Variants in NRXN1 observed in about 807,000 individuals in gnomAD.
NRXN1 encodes neurexin-1.
A neutral mutation model predicts 150.9 loss-of-function variants in NRXN1; 39 were observed. The ratio of observed to expected loss-of-function variants is 0.26; its 90% confidence interval spans 0.20 to 0.34. The LOEUF is 0.34. NRXN1 is among the 10% of genes least tolerant of loss of function. The pLI, the probability that NRXN1 is intolerant of heterozygous loss-of-function variation, is 1.00. For synonymous variants in NRXN1, 924 were observed against 757.0 expected, an observed-to-expected ratio of 1.22 and a Z score of -3.62; for missense variants, 1,815 against 1,949.9, an observed-to-expected ratio of 0.93 and a Z score of 1.30.
chr2:50,455,582 T>C (rs1338214573), intron 17 of NRXN1, among the ~76,000 whole-genome samples: 2 of 152,220 alleles, frequency 1.3e-5, no homozygotes, highest in African/African-American at 4.8e-5. Context: ...ATTACTTCTG[T>C]AATGTCTCCT....
chr2:50,388,413 C>T (rs76920645), intron 17 of NRXN1, among the ~76,000 whole-genome samples: 2 of 152,062 alleles, frequency 1.3e-5, no homozygotes, highest in Admixed American at 6.6e-5. Flanking sequence ...TGCCTTAGCT[C>T]GGGCAACACT....
rs1433930555 is a variant in NRXN1, at chr2:50,729,470, A to T, written c.833-105855T>A. On this transcript the variant is annotated intron_variant, in intron 5 of 22. Coordinates refer to ENST00000401669, the MANE Select transcript of NRXN1 (RefSeq NM_001330078.2). Reference sequence around the variant, plus strand: ...TGTAGAGCTAGGATGTGAACCCAGGAAGCCTAACTTCAGACCTGGGGTCTT... The same window carrying T: ...TGTAGAGCTAGGATGTGAACCCAGGTAGCCTAACTTCAGACCTGGGGTCTT... 2.6e-5 allele frequency among the ~76,000 whole-genome samples: 4 copies of T among 152,352 alleles called. No individual in the cohort carries two copies. The East Asian group carries it at 5.8e-4, about 22-fold the overall frequency.
At chr2:50,210,873 A>T (rs188439871) in intron 18 of NRXN1, among the ~76,000 whole-genome samples, 1 of 151,620 alleles carries the variant, frequency 6.6e-6, no homozygotes, top group Admixed American at 6.6e-5. Context: ...CTTTTAAAAA[A>T]TAAAATTACT....
chr2:50,255,020 C>T (rs903080885), intron 17 of NRXN1, among the ~76,000 whole-genome samples: 4 of 151,956 alleles, frequency 2.6e-5, no homozygotes, highest in Admixed American at 1.3e-4. Context: ...GTTACCTAGG[C>T]TAGTCTTGAA....
intron 5 of NRXN1, among the ~76,000 whole-genome samples, chr2:50,670,473 TACAG>T (rs1307600307): frequency 6.6e-6 from 1 of 151,992 alleles, no homozygotes; most frequent in African/African-American, 2.4e-5. Flanking sequence ...GCAGTGTTAG[TACAG>T]ACAGTTACCA....
intron 8 of NRXN1, among the ~76,000 whole-genome samples, chr2:50,567,069 T>G (rs1669988525): frequency 6.6e-6 from 1 of 152,216 alleles, no homozygotes; most frequent in Non-Finnish European, 1.5e-5. Flanking sequence ...ATAATTGTTT[T>G]TCTCCTTTCT....
intron 5 of NRXN1, among the ~76,000 whole-genome samples, chr2:50,713,313 CAA>C (rs59339405): frequency 0.15 from 21,720 of 140,374 alleles, 1,586 homozygotes; most frequent in African/African-American, 0.18. Context: ...GACTCTGTCT[CAA>C]AAAAAAAAAA....
chr2:50,297,558 G>T (rs1177439693), intron 17 of NRXN1, among the ~76,000 whole-genome samples: 1 of 152,136 alleles, frequency 6.6e-6, no homozygotes, highest in Non-Finnish European at 1.5e-5. Flanking sequence ...TCACCCTAAA[G>T]TTAATTCAGC....
chr2:50,748,703 C>T (rs746805994), intron 5 of NRXN1, among the ~76,000 whole-genome samples: 18 of 151,984 alleles, frequency 1.2e-4, no homozygotes, highest in Non-Finnish European at 2.2e-4. Flanking sequence ...CACTAATGTG[C>T]CTAATTAGGC....
At chr2:50,212,319 G>A (rs2063087508) in intron 18 of NRXN1, among the ~76,000 whole-genome samples, 1 of 148,468 alleles carries the variant, frequency 6.7e-6, no homozygotes, top group East Asian at 2.0e-4. Context: ...AAAAAAATGG[G>A]TTTGCCTAGA....
intron 17 of NRXN1, among the ~76,000 whole-genome samples, chr2:50,382,384 A>G (rs994489494): frequency 6.6e-6 from 1 of 152,222 alleles, no homozygotes; most frequent in Non-Finnish European, 1.5e-5. Context: ...AGACATTGAC[A>G]ATCTCTGATA....
intron 21 of NRXN1, among the ~76,000 whole-genome samples, chr2:50,000,525 G>A (rs564622809): frequency 6.6e-6 from 1 of 152,166 alleles, no homozygotes; most frequent in East Asian, 1.9e-4. Flanking sequence ...AATTCAGAAT[G>A]CACTCAATAA....
chr2:50,181,430 G>C (rs2060706872), intron 18 of NRXN1, among the ~76,000 whole-genome samples: 1 of 152,050 alleles, frequency 6.6e-6, no homozygotes, highest in Non-Finnish European at 1.5e-5. Context: ...CATGCTTTTA[G>C]GTAGATGCGG....
chr2:50,064,397 C>T (rs1010300404), intron 19 of NRXN1, among the ~76,000 whole-genome samples: 2 of 150,460 alleles, frequency 1.3e-5, no homozygotes, highest in African/African-American at 2.4e-5. Flanking sequence ...GTGGTGCATA[C>T]ACATTAGCAG....
Position 50,620,039 on chromosome 2 carries a change from T to A in NRXN1, c.1303A>T (p.Met435Leu). Residue 435 changes from methionine (M) to leucine (L), a missense_variant, in exon 8 of 23, where the codon ATG (methionine) becomes TTG (leucine). Met to Leu is a conservative substitution (Grantham distance 15). Coordinates refer to ENST00000401669, the MANE Select transcript of NRXN1 (RefSeq NM_001330078.2). ...LPGSPVSNNF[M>L]GCLKEVVYKN... ...ATATTTACCTCTTTGAGACAGCCCATAAAGTTGTTACTGACTGGTGACCCT... is the reference window on the plus strand; with the variant it reads ...ATATTTACCTCTTTGAGACAGCCCAAAAAGTTGTTACTGACTGGTGACCCT... 2 of 1,606,638 alleles carry A rather than the reference T, an allele frequency of 1.2e-6. No individual in the cohort carries two copies. Among genetic ancestry groups the A allele is most frequent in the Non-Finnish European group, 1.7e-6 (2 of 1,175,946 alleles).
chr2:50,479,301 A>T (rs2090248053), intron 15 of NRXN1, among the ~76,000 whole-genome samples: 1 of 152,290 alleles, frequency 6.6e-6, no homozygotes, highest in East Asian at 1.9e-4. Flanking sequence ...TACTTCCAGC[A>T]TGAATGCCTT....
intron 5 of NRXN1, among the ~76,000 whole-genome samples, chr2:50,901,170 C>T (rs1275626466): frequency 1.3e-5 from 2 of 152,052 alleles, no homozygotes; most frequent in South Asian, 2.1e-4. Flanking sequence ...TTTCCCTGTT[C>T]CCCTGAGCCC....
chr2:50,867,699 G>A, intron 5 of NRXN1, among the ~76,000 whole-genome samples: 1 of 151,566 alleles, frequency 6.6e-6, no homozygotes, highest in East Asian at 2.0e-4. Flanking sequence ...CAAGTCTAAT[G>A]TCTCCAGGGT....
chr2:50,952,827 C>A (rs17513189), intron 2 of NRXN1, among the ~76,000 whole-genome samples: 22,060 of 152,066 alleles, frequency 0.15, 1,673 homozygotes, highest in Non-Finnish European at 0.16. Context: ...TGAGCTTCAA[C>A]CCTACCCTCC....
Sources: allele counts gnomAD v4.1 joint callset (sites outside exome capture counted in the v4.1 genomes callset), GRCh38; gene constraint gnomAD v4.1.1; transcripts MANE v1.5; gene names NCBI Gene and HGNC (gene_info 2026-07-23, HGNC 2026-07-21).